Variants in NEGR1 observed in about 807,000 individuals in gnomAD.
The protein encoded by NEGR1 is neuronal growth regulator 1.
A neutral mutation model predicts 40.9 loss-of-function variants in NEGR1; 10 were observed. The ratio of observed to expected loss-of-function variants is 0.24; its 90% CI spans 0.15 to 0.42. The LOEUF (loss-of-function observed/expected upper bound fraction) is 0.42. Ranked by LOEUF, NEGR1 falls within the 10% of genes least tolerant of loss-of-function variation. NEGR1 has a pLI of 1.00. For missense variants in NEGR1, 352 were observed against 438.9 expected, an observed-to-expected ratio of 0.80 and a Z score of 1.77; for synonymous variants, 185 against 166.8, an observed-to-expected ratio of 1.11 and a Z score of -0.84.
chr1:71,672,426 T>G (rs1290132429), intron 4 of NEGR1, among the ~76,000 whole-genome samples: 1 of 152,208 alleles, frequency 6.6e-6, no homozygotes, highest in East Asian at 1.9e-4. Flanking sequence ...GATTATCTAT[T>G]CTATTAAGGC....
In NEGR1 at chr1:71,783,472, A is replaced by G. The variant is rs187425010; in HGVS notation, c.410-7175T>C. 3.6e-4 allele frequency among the ~76,000 whole-genome samples: 55 copies of G among 152,242 alleles called. No homozygotes were observed. The East Asian group carries it at 0.01, about 29-fold the overall frequency. ...CATTATTTTCTCCAGCTGATAGACT[A>G]TGACTGACTTGTCACAGTTTATGGC... On this transcript the variant is annotated intron_variant, in intron 2 of 6. Coordinates refer to ENST00000357731, the MANE Select transcript of NEGR1 (RefSeq NM_173808.3).
At chr1:71,590,586 T>G (rs1649465426) in intron 6 of NEGR1, among the ~76,000 whole-genome samples, 1 of 152,110 alleles carries the variant, frequency 6.6e-6, no homozygotes, top group Non-Finnish European at 1.5e-5. Context: ...TTTAAGGTTT[T>G]GCTTTGTCAC....
chr1:72,061,208 T>C (rs369904716), intron 1 of NEGR1, among the ~76,000 whole-genome samples: 2 of 151,828 alleles, frequency 1.3e-5, no homozygotes, highest in African/African-American at 4.8e-5. Flanking sequence ...AACTGAACTA[T>C]AGATGTAAAA....
chr1:72,255,722 T>C (rs573828085), intron 1 of NEGR1, among the ~76,000 whole-genome samples: 3 of 152,088 alleles, frequency 2.0e-5, no homozygotes, highest in Admixed American at 1.3e-4. Flanking sequence ...AGCAATTCTT[T>C]TGTATTTTAG....
chr1:71,657,540 C>T (rs1487938933), intron 4 of NEGR1, among the ~76,000 whole-genome samples: 1 of 151,934 alleles, frequency 6.6e-6, no homozygotes, highest in African/African-American at 2.4e-5. Context: ...CATGAAGAAA[C>T]TAATTTAGAA....
intron 1 of NEGR1, among the ~76,000 whole-genome samples, chr1:71,979,586 AAAG>A (rs1297566330): frequency 6.6e-6 from 1 of 152,160 alleles, no homozygotes; most frequent in Non-Finnish European, 1.5e-5. Context: ...AAATGTCAGT[AAAG>A]AAGGACAAAG....
In NEGR1 at chr1:71,407,499, T is replaced by C. The variant is rs776552780; in HGVS notation, c.1012A>G (p.Thr338Ala). Residue 338 changes from threonine to alanine, a missense_variant, in exon 7 of 7, where the codon ACA (threonine) becomes GCA (alanine). By Grantham distance (58) the Thr-to-Ala change is moderately conservative (BLOSUM62 0). Coordinates refer to ENST00000357731, the MANE Select transcript of NEGR1 (RefSeq NM_173808.3). Reference protein sequence around the residue: ...VLFSCWYLVLTLSSFTSIFYL... With the variant: ...VLFSCWYLVLALSSFTSIFYL... ...AATATGCTGGTGAAAGAGGACAGTG[T>C]CAACACAAGGTACCAGCAGGAGAAA... The C allele has an allele frequency of 1.2e-6, 2 of 1,612,040 alleles. No individual in the cohort carries two copies. The highest frequency in any genetic ancestry group is 8.5e-7 in the Non-Finnish European group (1 of 1,178,318).
chr1:72,003,046 T>C (rs1646571393), intron 1 of NEGR1, among the ~76,000 whole-genome samples: 1 of 152,174 alleles, frequency 6.6e-6, no homozygotes, highest in African/African-American at 2.4e-5. Context: ...CTTTCAAGGT[T>C]AGCAAATTAA....
intron 2 of NEGR1, chr1:71,794,110 A>G (rs1657228940): frequency 6.6e-6 from 1 of 152,178 alleles, no homozygotes; most frequent in African/African-American, 2.4e-5. Flanking sequence ...TTGCTAATAG[A>G]TAACTTGTCT....
At chr1:71,955,136 C>T (rs1299385486) in intron 1 of NEGR1, among the ~76,000 whole-genome samples, 2 of 152,096 alleles carry the variant, frequency 1.3e-5, no homozygotes, top group Non-Finnish European at 2.9e-5. Flanking sequence ...CTAAGATATC[C>T]TTCAAATTAT....
intron 1 of NEGR1, among the ~76,000 whole-genome samples, chr1:72,079,203 G>A (rs1033944901): frequency 4.0e-5 from 6 of 151,112 alleles, no homozygotes; most frequent in Admixed American, 2.0e-4. Context: ...AAAGTAATTT[G>A]AGCATTCTTA....
intron 1 of NEGR1, among the ~76,000 whole-genome samples, chr1:71,959,664 CT>C (rs1646147567): frequency 6.6e-6 from 1 of 151,982 alleles, no homozygotes; most frequent in African/African-American, 2.4e-5. Flanking sequence ...GTTATGTTCC[CT>C]GGTAGTTTCA....
intron 1 of NEGR1, among the ~76,000 whole-genome samples, chr1:72,024,656 T>A (rs1292657781): frequency 6.6e-6 from 1 of 152,172 alleles, no homozygotes; most frequent in East Asian, 1.9e-4. Context: ...GTTATGAACT[T>A]CACATAAAGA....
intron 1 of NEGR1, among the ~76,000 whole-genome samples, chr1:72,088,267 A>T (rs2100539588): frequency 6.6e-6 from 1 of 152,108 alleles, no homozygotes; most frequent in Non-Finnish European, 1.5e-5. Flanking sequence ...GCAAAGTGTC[A>T]GCTCTTACTC....
intron 1 of NEGR1, among the ~76,000 whole-genome samples, chr1:72,194,373 A>G (rs1652927774): frequency 6.6e-6 from 1 of 151,912 alleles, no homozygotes; most frequent in African/African-American, 2.4e-5. Context: ...TAAATATTTT[A>G]TTTTCCATCA....
At chr1:71,616,813 C>A (rs1650459969) in intron 4 of NEGR1, among the ~76,000 whole-genome samples, 1 of 152,174 alleles carries the variant, frequency 6.6e-6, no homozygotes, top group Non-Finnish European at 1.5e-5. Context: ...TGGAGAGCTT[C>A]TTTGAAAAGG....
intron 1 of NEGR1, among the ~76,000 whole-genome samples, chr1:72,124,320 C>G (rs1280612199): frequency 1.3e-5 from 2 of 151,866 alleles, no homozygotes; most frequent in Admixed American, 6.6e-5. Flanking sequence ...GTAGACTTCT[C>G]CTACTATTAT....
chr1:71,530,969 G>A (rs1647340349), intron 6 of NEGR1, among the ~76,000 whole-genome samples: 1 of 150,976 alleles, frequency 6.6e-6, no homozygotes, highest in Admixed American at 6.6e-5. Context: ...AACACTTATA[G>A]TTACTTTACC....
chr1:72,133,926 A>C (rs979457724), intron 1 of NEGR1, among the ~76,000 whole-genome samples: 6 of 151,898 alleles, frequency 4.0e-5, no homozygotes, highest in Non-Finnish European at 5.9e-5. Flanking sequence ...AGAATGTTTT[A>C]ATTTTTAAAT....
Sources: gnomAD v4.1 joint callset for allele counts (sites outside exome capture counted in the v4.1 genomes callset) on GRCh38, gnomAD v4.1.1 for gene constraint, MANE v1.5 for transcripts, NCBI Gene and HGNC (gene_info 2026-07-23, HGNC 2026-07-21) for gene names.